CACNB2: variants seen among roughly 807,000 people sequenced by gnomAD.
CACNB2 encodes voltage-dependent L-type calcium channel subunit beta-2.
In CACNB2, 42 loss-of-function variants were observed where a neutral mutation model predicts 73.3. The observed-to-expected ratio is 0.57, with a 90% confidence interval of 0.45 to 0.74. CACNB2 has a LOEUF of 0.74. Ranked by LOEUF, CACNB2 falls within the 30% of genes least tolerant of loss-of-function variation. The probability of loss-of-function intolerance (pLI) is 0.00; values close to 1 mark genes in which losing one functional copy is unlikely to be tolerated. For synonymous variants in CACNB2, 348 were observed against 310.3 expected (o/e 1.12, Z -1.28); for missense variants, 940 against 853.0 (o/e 1.10, Z -1.27).
intron 2 of CACNB2, among the ~76,000 whole-genome samples, chr10:18,369,776 A>G (rs1359157933): frequency 6.6e-6 from 1 of 152,136 alleles, no homozygotes; most frequent in Non-Finnish European, 1.5e-5. Context: ...GCGTGGTGGC[A>G]CATACCTGTA....
At chr10:18,388,810 CT>C (rs35916435) in intron 2 of CACNB2, among the ~76,000 whole-genome samples, 11,853 of 152,164 alleles carry the variant, frequency 0.078, 597 homozygotes, top group Non-Finnish European at 0.11. Flanking sequence ...AAGTACTTTT[CT>C]TTTAATTATT....
At chr10:18,467,859 T>G (rs749890154) in intron 3 of CACNB2, among the ~76,000 whole-genome samples, 13 of 152,222 alleles carry the variant, frequency 8.5e-5, no homozygotes, top group Non-Finnish European at 1.8e-4. Flanking sequence ...TGCAATTGTT[T>G]GTAAGCCTGT....
intron 2 of CACNB2, among the ~76,000 whole-genome samples, chr10:18,313,060 A>T (rs1225784743): frequency 1.3e-5 from 2 of 152,176 alleles, no homozygotes; most frequent in African/African-American, 4.8e-5. Context: ...AGCATGCACT[A>T]AGAATTTGGT....
intron 2 of CACNB2, among the ~76,000 whole-genome samples, chr10:18,161,627 C>G (rs1435809266): frequency 7.6e-6 from 1 of 131,580 alleles, no homozygotes; most frequent in Non-Finnish European, 1.6e-5. Context: ...CATGGCAAAT[C>G]TCTTTTTTTT....
chr10:18,474,683 C>T (rs985945468), intron 3 of CACNB2, among the ~76,000 whole-genome samples: 1 of 152,118 alleles, frequency 6.6e-6, no homozygotes, highest in Non-Finnish European at 1.5e-5. Flanking sequence ...TAGCTCCGTG[C>T]CACTCAGCAT....
At chr10:18,535,961 G>A (rs947979550) in intron 11 of CACNB2, 140 bp from the exon 12 acceptor site, 23 of 613,054 alleles carry the variant, frequency 3.8e-5, no homozygotes, top group African/African-American at 1.5e-4. Flanking sequence ...TGTTAATTTT[G>A]CAGATAATCT....
intron 2 of CACNB2, among the ~76,000 whole-genome samples, chr10:18,316,165 A>T (rs2040175625): frequency 6.6e-6 from 1 of 152,150 alleles, no homozygotes; most frequent in African/African-American, 2.4e-5. Flanking sequence ...TTACATTTAC[A>T]TATATATGTA....
intron 9 of CACNB2, among the ~76,000 whole-genome samples, chr10:18,522,563 TAGG>T (rs2052009391): frequency 6.6e-6 from 1 of 152,120 alleles, no homozygotes; most frequent in Admixed American, 6.6e-5. Context: ...GAAAGTTTTA[TAGG>T]AGGACAAGTC....
chr10:18,270,579 G>A (rs998593941), intron 2 of CACNB2, among the ~76,000 whole-genome samples: 2 of 152,166 alleles, frequency 1.3e-5, no homozygotes, highest in African/African-American at 2.4e-5. Context: ...TCAAGCCACT[G>A]CTTGTCTCCT....
chr10:18,342,130 G>A (rs1484617285), intron 2 of CACNB2, among the ~76,000 whole-genome samples: 1 of 152,088 alleles, frequency 6.6e-6, no homozygotes. Context: ...CTGTAAACTT[G>A]CTTGCTTTTT....
rs1169176468 is a variant in CACNB2 at position 18,220,232 on chromosome 10, TAGAGAGAGAGAGAG to T, written c.213+69287_213+69300del. Among the ~76,000 whole-genome samples, 190 of 25,058 alleles carry T rather than the reference TAGAGAGAGAGAGAG, an allele frequency of 7.6e-3. 7 individuals carry two copies. The highest frequency in any genetic ancestry group is 0.023 in the African/African-American group (93 of 4,082). 16.4% of individuals were successfully genotyped at this position (25,058 alleles called of 152,430 possible). On this transcript the variant is annotated intron_variant, in intron 2 of 13. Coordinates refer to ENST00000324631, the MANE Select transcript of CACNB2 (RefSeq NM_201596.3). ...ATATATATATATATATATATATATA[TAGAGAGAGAGAGAG>T]AGAGAGAGAGAGAGAGAGAGAGAGA...
intron 2 of CACNB2, among the ~76,000 whole-genome samples, chr10:18,294,114 G>A (rs1588963535): frequency 6.6e-6 from 1 of 152,194 alleles, no homozygotes; most frequent in Non-Finnish European, 1.5e-5. Flanking sequence ...GGTGACAGAA[G>A]ATCATGTAAC....
intron 3 of CACNB2, among the ~76,000 whole-genome samples, chr10:18,452,157 T>C (rs1170405567): frequency 7.2e-5 from 11 of 152,248 alleles, no homozygotes; most frequent in Non-Finnish European, 1.3e-4. Flanking sequence ...GGCATAGCGA[T>C]GCACACCTTT....
intron 2 of CACNB2, among the ~76,000 whole-genome samples, chr10:18,311,277 G>A (rs778057432): frequency 6.6e-6 from 1 of 152,002 alleles, no homozygotes; most frequent in Non-Finnish European, 1.5e-5. Context: ...TTCATTATAG[G>A]CAGGTGGCAT....
intron 5 of CACNB2, among the ~76,000 whole-genome samples, chr10:18,502,402 A>T (rs2050243530): frequency 6.6e-6 from 1 of 151,766 alleles, no homozygotes; most frequent in Non-Finnish European, 1.5e-5. Context: ...AGAAAACCAA[A>T]TACGGGGGCC....
chr10:18,284,703 G>T (rs1221589667), intron 2 of CACNB2, among the ~76,000 whole-genome samples: 1 of 152,166 alleles, frequency 6.6e-6, no homozygotes, highest in East Asian at 1.9e-4. Flanking sequence ...ATAGCTTTGT[G>T]CATCTGATTC....
intron 3 of CACNB2, among the ~76,000 whole-genome samples, chr10:18,450,648 A>C (rs1375775041): frequency 1.8e-5 from 2 of 110,852 alleles, no homozygotes; most frequent in Non-Finnish European, 3.6e-5. Context: ...TTTTTTGAGG[A>C]GTCTAACTCT....
chr10:18,182,519 TA>T (rs35363073), intron 2 of CACNB2, among the ~76,000 whole-genome samples: 9,685 of 145,098 alleles, frequency 0.067, 858 homozygotes, highest in African/African-American at 0.2. Context: ...GGAAGAAGAT[TA>T]AAAAAAAAAA....
At chr10:18,526,675 C>T (rs764693566) in intron 9 of CACNB2, among the ~76,000 whole-genome samples, 1 of 152,174 alleles carries the variant, frequency 6.6e-6, no homozygotes, top group Non-Finnish European at 1.5e-5. Context: ...TCTACCTTAT[C>T]TAAAATGATA....
Sources: allele counts gnomAD v4.1 joint callset (sites outside exome capture counted in the v4.1 genomes callset), GRCh38; gene constraint gnomAD v4.1.1; transcripts MANE v1.5; gene names NCBI Gene and HGNC (gene_info 2026-07-23, HGNC 2026-07-21).